The following OLA1 variants were observed in gnomAD, a reference collection of about 807,000 sequenced individuals.
The protein encoded by OLA1 is obg-like ATPase 1.
Under a neutral mutation model 48.4 loss-of-function variants are expected in OLA1, and 14 were observed. The observed-to-expected ratio is 0.29, with a 90% confidence interval of 0.19 to 0.45. The LOEUF is 0.45. Ranked by LOEUF, OLA1 falls within the 20% of genes least tolerant of loss-of-function variation. The pLI is 1.00. For missense variants in OLA1, 325 were observed against 467.1 expected, an observed-to-expected ratio of 0.70 and a Z score of 2.80; for synonymous variants, 127 against 150.4, an observed-to-expected ratio of 0.84 and a Z score of 1.14.
intron 4 of OLA1, among the ~76,000 whole-genome samples, chr2:174,197,642 A>T (rs1687908471): frequency 6.6e-6 from 1 of 152,132 alleles, no homozygotes; most frequent in Non-Finnish European, 1.5e-5. Context: ...CTCTTAAGTG[A>T]TTTTAGCTGT....
intron 7 of OLA1, among the ~76,000 whole-genome samples, chr2:174,118,445 T>C (rs188724070): frequency 6.6e-6 from 1 of 152,224 alleles, no homozygotes; most frequent in African/African-American, 2.4e-5. Context: ...CATTTGTAAT[T>C]TGAAGAACAC....
intron 4 of OLA1, among the ~76,000 whole-genome samples, chr2:174,177,561 T>A (rs1413320467): frequency 6.6e-6 from 1 of 152,136 alleles, no homozygotes; most frequent in Non-Finnish European, 1.5e-5. Flanking sequence ...CATGCATCTC[T>A]GCACTTCTTA....
intron 4 of OLA1, among the ~76,000 whole-genome samples, chr2:174,163,569 A>C (rs1210507291): frequency 6.6e-6 from 1 of 150,668 alleles, no homozygotes; most frequent in Non-Finnish European, 1.5e-5. Flanking sequence ...GGCACCTATA[A>C]ATCCCAGCTA....
intron 4 of OLA1, among the ~76,000 whole-genome samples, chr2:174,153,005 A>G (rs944340727): frequency 2.6e-5 from 4 of 152,162 alleles, no homozygotes; most frequent in Admixed American, 1.3e-4. Context: ...AACAGCTCTA[A>G]AACTCAATCT....
At position 174,163,741 on chromosome 2, in the gene OLA1, T is replaced by A. The variant is rs866534234; in HGVS notation, c.374-21741A>T. Among the ~76,000 whole-genome samples, 34 of 36,600 alleles carry A rather than the reference T, an allele frequency of 9.3e-4. 4 individuals are homozygous for A. Among genetic ancestry groups the A allele is most frequent in the Admixed American group, 1.9e-3 (7 of 3,682 alleles). The allele number at this position is 36,600 out of a possible 152,430, so 24.0% of individuals were successfully genotyped here. A position where few individuals can be genotyped will look rare whatever the true frequency, so the allele number is the denominator to read the frequency against. On this transcript the variant is annotated intron_variant, in intron 4 of 10. Transcript: ENST00000284719. ...ATATATATATATATATATATATATA[T>A]ATATATATATATATATATATATATA...
chr2:174,127,636 A>C (rs946684004), intron 5 of OLA1, among the ~76,000 whole-genome samples: 1 of 152,172 alleles, frequency 6.6e-6, no homozygotes, highest in Admixed American at 6.5e-5. Flanking sequence ...GGAAGATGGC[A>C]CATAACTTTC....
At chr2:174,222,091 G>A (rs1574562049) in intron 4 of OLA1, among the ~76,000 whole-genome samples, 1 of 152,152 alleles carries the variant, frequency 6.6e-6, no homozygotes, top group South Asian at 2.1e-4. Context: ...GCAGTTTTGG[G>A]CATTATGTTG....
chr2:174,075,385 C>A lies in OLA1; in HGVS notation c.*41G>T, dbSNP rs377223903. The A allele has an allele frequency of 8.6e-7, 1 of 1,168,386 alleles. No individual in the cohort carries two copies. The highest frequency in any genetic ancestry group is 1.5e-5 in the African/African-American group (1 of 64,750). The allele number at this position is 1,168,386 out of a possible 1,614,324, so 72.4% of individuals were successfully genotyped here. A position where few individuals can be genotyped will look rare whatever the true frequency, so the allele number is the denominator to read the frequency against. ...ATTTTAATTTTTTAAAAATCAGATG[C>A]CTTTTGGAAGTTGTATGTTTATCTG... is the stretch of plus-strand genomic sequence containing the variant. On this transcript the variant is annotated 3_prime_UTR_variant, in exon 11 of 11. Coordinates refer to ENST00000284719, the MANE Select transcript of OLA1 (RefSeq NM_013341.5).
chr2:174,170,271 C>CA (rs1173269100), intron 4 of OLA1, among the ~76,000 whole-genome samples: 2 of 151,848 alleles, frequency 1.3e-5, no homozygotes, highest in African/African-American at 4.8e-5. Flanking sequence ...ACAACAACAA[C>CA]AAAATAAAAA....
intron 4 of OLA1, among the ~76,000 whole-genome samples, chr2:174,210,878 T>C (rs1210559016): frequency 6.6e-6 from 1 of 152,180 alleles, no homozygotes; most frequent in Non-Finnish European, 1.5e-5. Context: ...TCATCATTCT[T>C]ACCTTTGAAA....
intron 4 of OLA1, among the ~76,000 whole-genome samples, chr2:174,175,695 T>A (rs997706836): frequency 6.6e-6 from 1 of 152,016 alleles, no homozygotes; most frequent in Non-Finnish European, 1.5e-5. Context: ...TACCATACAC[T>A]TCAGCTATCC....
intron 4 of OLA1, among the ~76,000 whole-genome samples, chr2:174,190,935 A>C (rs1687760856): frequency 1.8e-5 from 2 of 113,086 alleles, no homozygotes; most frequent in Non-Finnish European, 3.4e-5. Context: ...ACAGAGCAAG[A>C]CTTCGTCTCA....
intron 2 of OLA1, 139 bp from the exon 3 acceptor site, chr2:174,229,590 C>T: frequency 1.6e-6 from 1 of 632,528 alleles, no homozygotes. Flanking sequence ...AGGAACAATA[C>T]ATTTTTTACT....
intron 4 of OLA1, among the ~76,000 whole-genome samples, chr2:174,154,788 G>A (rs796219350): frequency 2.6e-5 from 4 of 152,264 alleles, no homozygotes; most frequent in African/African-American, 9.6e-5. Flanking sequence ...ATGGATAAAG[G>A]GGACATGTGA....
chr2:174,161,732 A>T (rs1276565443), intron 4 of OLA1, among the ~76,000 whole-genome samples: 1 of 151,934 alleles, frequency 6.6e-6, no homozygotes, highest in Non-Finnish European at 1.5e-5. Flanking sequence ...AGATAGACAC[A>T]CATACATACA....
chr2:174,114,247 C>T (rs1401655414), intron 7 of OLA1, among the ~76,000 whole-genome samples: 2 of 133,482 alleles, frequency 1.5e-5, no homozygotes, highest in Admixed American at 8.5e-5. Context: ...AAGGCTGAGA[C>T]AGGAGAATGG....
chr2:174,123,629 G>A lies in OLA1; in HGVS notation c.596C>T (p.Pro199Leu), dbSNP rs866162291. 6 of 1,598,040 alleles carry A rather than the reference G, an allele frequency of 3.8e-6. No individual in the cohort carries two copies. The highest frequency in any genetic ancestry group is 5.1e-6 in the Non-Finnish European group (6 of 1,173,746). Residue 199 changes from proline (P) to leucine (L), a missense_variant, in exon 6 of 11, where the codon CCT (proline) becomes CTT (leucine). Physicochemically the swap from Pro to Leu is moderately conservative, Grantham distance 98. Transcript: ENST00000284719. ...ATTCCAATCATGATAGAAGCGAACA[G>A]GTTTCTTTTGATCTATAACCCAGGA... is the stretch of plus-strand genomic sequence containing the variant. The part of the protein sequence containing the change: ...VKSWVIDQKK[P>L]VRFYHDWNDK...
At chr2:174,080,697 C>G (rs1684835793) in intron 9 of OLA1, among the ~76,000 whole-genome samples, 1 of 152,010 alleles carries the variant, frequency 6.6e-6, no homozygotes, top group African/African-American at 2.4e-5. Context: ...AACTGTGTAT[C>G]TATGAAGAGC....
chr2:174,107,455 C>G (rs763046147), intron 7 of OLA1, among the ~76,000 whole-genome samples: 17 of 151,994 alleles, frequency 1.1e-4, no homozygotes, highest in Non-Finnish European at 1.9e-4. Flanking sequence ...TCTGTAGTGG[C>G]CTAGAGAGTT....
Sources: gnomAD v4.1 joint callset for allele counts (sites outside exome capture counted in the v4.1 genomes callset) on GRCh38, gnomAD v4.1.1 for gene constraint, MANE v1.5 for transcripts, NCBI Gene and HGNC (gene_info 2026-07-23, HGNC 2026-07-21) for gene names.